DYNC2H1: variants seen among roughly 807,000 people sequenced by gnomAD.
DYNC2H1 encodes the protein dynein cytoplasmic 2 heavy chain 1.
In DYNC2H1, 410 loss-of-function variants were observed where a neutral mutation model predicts 570.0. The observed-to-expected ratio is 0.72, with a 90% confidence interval of 0.66 to 0.78. The LOEUF (loss-of-function observed/expected upper bound fraction) is 0.78, where lower values mean the gene tolerates loss of function less well. DYNC2H1 is among the 30% of genes least tolerant of loss of function. DYNC2H1 has a pLI of 0.00. For synonymous variants in DYNC2H1, 1,688 were observed against 1,677.6 expected, an observed-to-expected ratio of 1.01 and a Z score of -0.15; for missense variants, 4,865 against 5,046.4, an observed-to-expected ratio of 0.96 and a Z score of 1.09.
intron 39 of DYNC2H1, among the ~76,000 whole-genome samples, chr11:103,179,564 ATAT>A (rs1861764369): frequency 1.3e-5 from 2 of 151,842 alleles, no homozygotes; most frequent in Admixed American, 1.3e-4. Flanking sequence ...ATATGAGCTA[ATAT>A]TATGAGCTAA....
chr11:103,220,907 T>C (rs1364307282), intron 57 of DYNC2H1, 124 bp downstream of exon 57: 3 of 898,914 alleles, frequency 3.3e-6, no homozygotes, highest in Non-Finnish European at 3.2e-6. Context: ...GTGTACATTT[T>C]GGCTTGAAAT....
chr11:103,320,935 A>G, intron 80 of DYNC2H1, 94 bp from the exon 81 acceptor site: 1 of 906,194 alleles, frequency 1.1e-6, no homozygotes, highest in Non-Finnish European at 1.7e-6. Context: ...GTTGTATTAA[A>G]TACATTTGGC....
At chr11:103,281,616 A>T (rs1376468043) in intron 71 of DYNC2H1, among the ~76,000 whole-genome samples, 1 of 151,864 alleles carries the variant, frequency 6.6e-6, no homozygotes, top group Non-Finnish European at 1.5e-5. Context: ...GTAGTCACAC[A>T]AATAGTACCT....
In DYNC2H1 at chr11:103,227,632, G is replaced by C. The variant is rs1863851128; in HGVS notation, c.9354-3628G>C. Among the ~76,000 whole-genome samples the C allele has an allele frequency of 1.3e-5, 2 of 152,154 alleles. 1 individual carries two copies. The highest frequency in any genetic ancestry group is 4.8e-5 in the African/African-American group (2 of 41,430). On this transcript the variant is annotated intron_variant, in intron 59 of 88. Coordinates refer to ENST00000375735, the MANE Select transcript of DYNC2H1 (RefSeq NM_001377.3). ...GTCTATTTTGGAGAATGTTCCATGT[G>C]CTGATGAATAGAATGTATATTCTGC...
chr11:103,399,915 A>G (rs1334779347), intron 84 of DYNC2H1, 43 bp downstream of exon 84: 1 of 1,498,834 alleles, frequency 6.7e-7, no homozygotes, highest in South Asian at 1.2e-5. Context: ...TCATTGTTAT[A>G]AGTGACTCCT....
intron 2 of DYNC2H1, 108 bp downstream of exon 2, chr11:103,113,815 T>A: frequency 1.1e-6 from 1 of 924,680 alleles, no homozygotes; most frequent in Non-Finnish European, 1.5e-6. Context: ...GTTTTAATTT[T>A]AATTAAAATA....
intron 84 of DYNC2H1, among the ~76,000 whole-genome samples, chr11:103,412,846 A>AAGTT (rs1181330661): frequency 3.9e-5 from 6 of 152,204 alleles, no homozygotes; most frequent in Admixed American, 1.3e-4. Flanking sequence ...GAGATGTATG[A>AAGTT]AGTTAATATC....
At position 103,134,334 on chromosome 11, in the gene DYNC2H1, T is replaced by C. The variant is rs1315993291; in HGVS notation, c.2120T>C (p.Met707Thr). 2 of 1,613,052 alleles carry C rather than the reference T, an allele frequency of 1.2e-6. No homozygotes were observed. Among genetic ancestry groups the C allele is most frequent in the Admixed American group, 1.7e-5 (1 of 59,974 alleles). The change falls in exon 15 of 89, where the codon ATG becomes ACG. Residue 707 changes from methionine (M) to threonine (T), a missense_variant. Around this residue, in one of 5 missense-constraint regions of DYNC2H1, gnomAD observed 1,936 missense variants for 1,962.1 expected, o/e 0.99. Coordinates refer to ENST00000375735, the MANE Select transcript of DYNC2H1 (RefSeq NM_001377.3). ...TTFCEKVVVLMNIDLLRQQQR... is the reference protein window; with the variant it reads ...TTFCEKVVVLTNIDLLRQQQR... ...AATTTTTCATAGGTGGTTGTTCTTATGAATATTGATCTGCTTCGGCAGCAA... is the reference window on the plus strand; with the variant it reads ...AATTTTTCATAGGTGGTTGTTCTTACGAATATTGATCTGCTTCGGCAGCAA...
At chr11:103,419,001 C>T (rs1217694810) in intron 84 of DYNC2H1, among the ~76,000 whole-genome samples, 1 of 152,128 alleles carries the variant, frequency 6.6e-6, no homozygotes, top group African/African-American at 2.4e-5. Context: ...GTATATATCC[C>T]TAAAGAAGGG....
intron 17 of DYNC2H1, among the ~76,000 whole-genome samples, chr11:103,138,301 G>C (rs1158237390): frequency 1.3e-5 from 2 of 151,698 alleles, no homozygotes. Flanking sequence ...TCCCTGTCTT[G>C]TGCCAGTTTT....
intron 82 of DYNC2H1, among the ~76,000 whole-genome samples, chr11:103,335,238 A>G (rs1477942260): frequency 6.6e-6 from 1 of 152,078 alleles, no homozygotes; most frequent in East Asian, 1.9e-4. Flanking sequence ...AAATGAGGGA[A>G]TGGGAGGAAT....
chr11:103,166,426 C>T (rs1861306031), intron 31 of DYNC2H1, among the ~76,000 whole-genome samples: 1 of 152,062 alleles, frequency 6.6e-6, no homozygotes, highest in Non-Finnish European at 1.5e-5. Context: ...ATTTGTTGCC[C>T]TTCCTTTATT....
Position 103,255,523 on chromosome 11 carries a change from T to A in DYNC2H1, c.10315T>A (p.Ser3439Thr). ...AATACAGCTAGCCAAGCTCGAAGAA[T>A]CTCTTCTAGAGGTAAAAGTCTAGCT... ...KKIQLAKLEE[S>T]LLETLATSQG... is the part of the protein sequence containing the mutation. Residue 3439 changes from serine to threonine, a missense_variant, in exon 67 of 89, where the codon TCT becomes ACT. Ser to Thr is a moderately conservative substitution (Grantham distance 58). Coordinates refer to ENST00000375735, the MANE Select transcript of DYNC2H1 (RefSeq NM_001377.3). 3 of 1,554,414 alleles carry A rather than the reference T, an allele frequency of 1.9e-6. No homozygotes were observed. The highest frequency in any genetic ancestry group is 2.6e-6 in the Non-Finnish European group (3 of 1,148,422).
intron 84 of DYNC2H1, among the ~76,000 whole-genome samples, chr11:103,408,951 C>T (rs933691233): frequency 1.3e-5 from 2 of 151,928 alleles, no homozygotes; most frequent in African/African-American, 4.8e-5. Context: ...GTTTATATCC[C>T]GCCGGATAGG....
chr11:103,143,314 A>T lies in DYNC2H1; in HGVS notation c.2621A>T (p.Lys874Met). Residue 874 changes from lysine (K) to methionine (M), a missense_variant, in exon 18 of 89, where the codon AAG becomes ATG. Lys to Met is a moderately conservative substitution (Grantham distance 95). Coordinates refer to ENST00000375735, the MANE Select transcript of DYNC2H1 (RefSeq NM_001377.3). ...GQVDMEALVEKHLFTVHDWEK... is the reference protein window; with the variant it reads ...GQVDMEALVEMHLFTVHDWEK... ...GTTGATATGGAAGCTCTGGTGGAAA[A>T]GCATCTTTTTACTGTACATGATTGG... is the stretch of plus-strand genomic sequence containing the variant. 6 of 1,613,644 alleles carry T rather than the reference A, an allele frequency of 3.7e-6. No homozygotes were observed. The highest frequency in any genetic ancestry group is 5.1e-6 in the Non-Finnish European group (6 of 1,179,734).
chr11:103,122,861 T>C lies in DYNC2H1; in HGVS notation c.1522T>C (p.Ser508Pro), dbSNP rs369450573. The C allele has an allele frequency of 1.2e-6, 2 of 1,613,138 alleles. No individual in the cohort carries two copies. The highest frequency in any genetic ancestry group is 2.2e-5 in the East Asian group (1 of 44,832). Residue 508 changes from serine to proline, a missense_variant, in exon 11 of 89, where the codon TCT (serine) becomes CCT (proline). Around this residue, in one of 5 missense-constraint regions of DYNC2H1, gnomAD observed 1,936 missense variants for 1,962.1 expected, o/e 0.99. Transcript: ENST00000375735. ...DTIKIAEALL[S>P]DLPGFRCFHQ... Reference sequence around the variant, plus strand: ...TATCAAGATTGCAGAGGCTCTTTTATCTGACTTGCCAGGATTTCGATGTTT... The same window carrying C: ...TATCAAGATTGCAGAGGCTCTTTTACCTGACTTGCCAGGATTTCGATGTTT...
chr11:103,350,075 G>C (rs1939972013), intron 82 of DYNC2H1, among the ~76,000 whole-genome samples: 1 of 152,046 alleles, frequency 6.6e-6, no homozygotes, highest in Non-Finnish European at 1.5e-5. Flanking sequence ...ATTTTATATG[G>C]TTTGATACAT....
chr11:103,470,284 G>C (rs1945329669), intron 88 of DYNC2H1, among the ~76,000 whole-genome samples: 1 of 152,058 alleles, frequency 6.6e-6, no homozygotes, highest in South Asian at 2.1e-4. Context: ...AGTTTTATTT[G>C]TCATACTTCT....
In DYNC2H1 at chr11:103,145,441, C is replaced by T. The variant is rs560742732; in HGVS notation, c.2702+2046C>T. On this transcript the variant is annotated intron_variant, in intron 18 of 88. Transcript: ENST00000375735. This position sits in a 1 kb window ranked among gnomAD's most constrained non-coding sequence, Gnocchi z 4.2. ...GGCCTTGCCTTTGATCCCAATCTTG[C>T]CCATCTTCTTTGACTTAATGCTGTC... is the stretch of plus-strand genomic sequence containing the variant. Among the ~76,000 whole-genome samples the T allele has an allele frequency of 1.4e-4, 22 of 152,204 alleles. No homozygotes were observed. Among genetic ancestry groups the T allele is most frequent in the African/African-American group, 5.3e-4 (22 of 41,552 alleles).
Sources: gnomAD v4.1 joint callset for allele counts (sites outside exome capture counted in the v4.1 genomes callset) on GRCh38, gnomAD v4.1.1 for gene constraint, gnomAD v4.1.1 regional missense constraint, Gnocchi (gnomAD v3.1) non-coding constraint, MANE v1.5 for transcripts, NCBI Gene and HGNC (gene_info 2026-07-23, HGNC 2026-07-21) for gene names.